Variants in KDM4C observed in about 807,000 individuals in gnomAD.
The protein encoded by KDM4C is lysine-specific demethylase 4C.
Under a neutral mutation model 129.3 loss-of-function variants are expected in KDM4C, and 81 were observed. The observed-to-expected ratio is 0.63, with a 90% CI of 0.52 to 0.75. The LOEUF is 0.75. KDM4C is among the 30% of genes least tolerant of loss of function. KDM4C has a pLI of 0.00. For missense variants in KDM4C, 1,457 were observed against 1,304.0 expected (o/e 1.12, Z -1.81); for synonymous variants, 573 against 456.1 (o/e 1.26, Z -3.26).
intron 11 of KDM4C, among the ~76,000 whole-genome samples, chr9:6,990,070 G>A (rs1278626923): frequency 6.6e-6 from 1 of 152,094 alleles, no homozygotes; most frequent in East Asian, 1.9e-4. Flanking sequence ...GAGCCACTGT[G>A]CCTGGCCTAT....
chr9:7,120,569 C>A (rs1256836197), intron 18 of KDM4C, among the ~76,000 whole-genome samples: 1 of 152,104 alleles, frequency 6.6e-6, no homozygotes, highest in Non-Finnish European at 1.5e-5. Flanking sequence ...CTTAATACAG[C>A]CCCAAACCTG....
chr9:6,972,395 A>C (rs865840548), intron 8 of KDM4C, among the ~76,000 whole-genome samples: 1 of 152,148 alleles, frequency 6.6e-6, no homozygotes, highest in African/African-American at 2.4e-5. Flanking sequence ...ATCAGTTTAC[A>C]TGGTTATACC....
rs748078050 is a variant in KDM4C at position 7,128,119 on chromosome 9, G to T, written c.2664G>T (p.Lys888Asn). 1 of 1,611,696 alleles carries T rather than the reference G, an allele frequency of 6.2e-7. No homozygotes were observed. The highest frequency in any genetic ancestry group is 8.5e-7 in the Non-Finnish European group (1 of 1,179,044). Residue 888 changes from lysine (K) to asparagine (N), a missense_variant, in exon 19 of 22, where the codon AAG becomes AAT. By Grantham distance (94) the Lys-to-Asn change is moderately conservative. Coordinates refer to ENST00000381309, the MANE Select transcript of KDM4C (RefSeq NM_015061.6). ...VISVGQTVIT[K>N]HRNTRYYSCR... ...CCGTGGGTCAAACGGTCATCACGAAGCATCGGAACACCCGGTATTACAGTT... is the reference window on the plus strand; with the variant it reads ...CCGTGGGTCAAACGGTCATCACGAATCATCGGAACACCCGGTATTACAGTT...
At chr9:6,906,259 T>C (rs1464341035) in intron 8 of KDM4C, among the ~76,000 whole-genome samples, 1 of 152,166 alleles carries the variant, frequency 6.6e-6, no homozygotes, top group Non-Finnish European at 1.5e-5. Context: ...TGGTGTCAGA[T>C]TTGTTTTCTT....
intron 17 of KDM4C, among the ~76,000 whole-genome samples, chr9:7,073,773 AG>A (rs1833535256): frequency 1.3e-5 from 2 of 152,166 alleles, no homozygotes; most frequent in Non-Finnish European, 2.9e-5. Context: ...TTAGCCTTGC[AG>A]GGCCCATCAA....
rs577052971 is a variant in KDM4C, at chr9:7,112,054, C to T, written c.2610+8184C>T. Among the ~76,000 whole-genome samples the T allele has an allele frequency of 9.9e-5, 15 of 152,082 alleles. No individual in the cohort carries two copies. In the East Asian group the frequency reaches 1.8e-3, roughly 18 times the overall value. On this transcript the variant is annotated intron_variant, in intron 18 of 21. Coordinates refer to ENST00000381309, the MANE Select transcript of KDM4C (RefSeq NM_015061.6). ...TTACCCAATAGCTGTCTCTCACATGCGCCCACATGCACAAAGTGGGTCATG... is the reference window on the plus strand; with the variant it reads ...TTACCCAATAGCTGTCTCTCACATGTGCCCACATGCACAAAGTGGGTCATG...
At chr9:7,080,092 C>A (rs1023445905) in intron 17 of KDM4C, among the ~76,000 whole-genome samples, 4 of 152,102 alleles carry the variant, frequency 2.6e-5, no homozygotes, top group Non-Finnish European at 5.9e-5. Context: ...ATTTATGTAC[C>A]TTATCCACTA....
At chr9:6,753,236 T>C (rs999822131), upstream of KDM4C, among the ~76,000 whole-genome samples, 2 of 152,218 alleles carry the variant, frequency 1.3e-5, no homozygotes, top group African/African-American at 2.4e-5. Flanking sequence ...AAGGATTTCA[T>C]GGATCTAAAA....
At chr9:7,070,582 T>C (rs6477146) in intron 17 of KDM4C, among the ~76,000 whole-genome samples, 89,650 of 151,766 alleles carry the variant, frequency 0.59, 27,230 homozygotes, top group South Asian at 0.68. Context: ...TCAATGTAAT[T>C]AGCTATAGTA....
chr9:6,767,745 T>C (rs1396815303), intron 1 of KDM4C, among the ~76,000 whole-genome samples: 1 of 152,198 alleles, frequency 6.6e-6, no homozygotes, highest in Non-Finnish European at 1.5e-5. Flanking sequence ...AGGCGTGATC[T>C]TCTGTGCTTG....
At chr9:7,006,257 A>G (rs959828220) in intron 12 of KDM4C, among the ~76,000 whole-genome samples, 4 of 152,154 alleles carry the variant, frequency 2.6e-5, no homozygotes, top group Non-Finnish European at 5.9e-5. Flanking sequence ...TCTTATTAGA[A>G]CCAGAAAGTT....
At chr9:6,846,937 T>C (rs574561876) in intron 4 of KDM4C, among the ~76,000 whole-genome samples, 1 of 152,290 alleles carries the variant, frequency 6.6e-6, no homozygotes, top group East Asian at 1.9e-4. Context: ...GACTTGACGC[T>C]CAGAAAAGCT....
intron 17 of KDM4C, among the ~76,000 whole-genome samples, chr9:7,087,817 C>T (rs1356632230): frequency 1.3e-5 from 2 of 152,200 alleles, no homozygotes; most frequent in Non-Finnish European, 2.9e-5. Flanking sequence ...ATTTAATCCA[C>T]AAGAAGTATA....
At chr9:6,782,394 T>C (rs1824544618) in intron 1 of KDM4C, among the ~76,000 whole-genome samples, 1 of 152,170 alleles carries the variant, frequency 6.6e-6, no homozygotes. Flanking sequence ...CATCTTCTGC[T>C]CCTACTAACT....
chr9:7,169,719 T>A (rs1844764388), intron 20 of KDM4C, 79 bp from the exon 21 acceptor site: 4 of 1,113,984 alleles, frequency 3.6e-6, no homozygotes, highest in Admixed American at 2.4e-5. Flanking sequence ...TTTCATCTTT[T>A]CATGTAGTTA....
At chr9:7,108,668 G>T (rs1167554362) in intron 18 of KDM4C, among the ~76,000 whole-genome samples, 2 of 152,174 alleles carry the variant, frequency 1.3e-5, no homozygotes, top group African/African-American at 2.4e-5. Flanking sequence ...CTGGTGAAGG[G>T]CTCAAAGCAA....
At chr9:7,074,225 G>A (rs1833598615) in intron 17 of KDM4C, among the ~76,000 whole-genome samples, 3 of 151,790 alleles carry the variant, frequency 2.0e-5, no homozygotes, top group African/African-American at 4.8e-5. Context: ...GTGCAGTGGC[G>A]CGATCTCAGC....
chr9:6,821,626 T>C (rs1161155615), intron 4 of KDM4C, among the ~76,000 whole-genome samples: 1 of 152,162 alleles, frequency 6.6e-6, no homozygotes, highest in East Asian at 1.9e-4. Context: ...TATTAGCCCT[T>C]TGTCAGGTCT....
chr9:7,169,060 A>AG, intron 20 of KDM4C, among the ~76,000 whole-genome samples: 1 of 151,404 alleles, frequency 6.6e-6, no homozygotes, highest in East Asian at 1.9e-4. Context: ...AAAAAAAAAA[A>AG]AAAAAAAAGG....
Sources: gnomAD v4.1 joint callset for allele counts (sites outside exome capture counted in the v4.1 genomes callset) on GRCh38, gnomAD v4.1.1 for gene constraint, MANE v1.5 for transcripts, NCBI Gene and HGNC (gene_info 2026-07-23, HGNC 2026-07-21) for gene names.